UGT2A2: variants seen among roughly 807,000 people sequenced by gnomAD.
UGT2A2 encodes the protein UDP glucuronosyltransferase family 2 member A2.
UGT2A2 carries 60 observed loss-of-function variants against 50.7 expected under a neutral mutation model. The ratio of observed to expected loss-of-function variants is 1.18; its 90% confidence interval spans 0.96 to 1.47. The LOEUF is 1.47. UGT2A2 is among the 40% of genes most tolerant of loss of function. UGT2A2 has a pLI of 0.00. For missense variants in UGT2A2, 762 were observed against 634.0 expected, an observed-to-expected ratio of 1.20 and a Z score of -2.17; for synonymous variants, 242 against 214.6, an observed-to-expected ratio of 1.13 and a Z score of -1.11.
At chr4:69,605,110 G>A in intron 1 of UGT2A2, among the ~76,000 whole-genome samples, 1 of 136,878 alleles carries the variant, frequency 7.3e-6, no homozygotes, top group East Asian at 2.1e-4. Context: ...CAAATCAACA[G>A]AATATACATT....
chr4:69,611,024 T>A (rs1720003610), intron 1 of UGT2A2, among the ~76,000 whole-genome samples: 1 of 152,200 alleles, frequency 6.6e-6, no homozygotes, highest in Non-Finnish European at 1.5e-5. Flanking sequence ...AGATGAAAGC[T>A]GTGTACATAA....
intron 1 of UGT2A2, among the ~76,000 whole-genome samples, chr4:69,635,018 C>G (rs182029862): frequency 2.6e-5 from 4 of 151,954 alleles, no homozygotes; most frequent in Non-Finnish European, 4.4e-5. Flanking sequence ...ATGGATACCC[C>G]GTACTCCAGG....
intron 1 of UGT2A2, among the ~76,000 whole-genome samples, chr4:69,633,715 T>C (rs1017534853): frequency 3.9e-5 from 6 of 152,204 alleles, no homozygotes; most frequent in Admixed American, 1.3e-4. Context: ...TAATGTGTGA[T>C]TCAACTATAT....
chr4:69,590,742 TA>T (rs1245274826), intron 5 of UGT2A2, among the ~76,000 whole-genome samples: 1 of 152,098 alleles, frequency 6.6e-6, no homozygotes, highest in Non-Finnish European at 1.5e-5. Flanking sequence ...AGGCAATAAA[TA>T]AATTTGTACA....
chr4:69,620,992 A>C (rs538350333), intron 1 of UGT2A2, among the ~76,000 whole-genome samples: 1 of 152,188 alleles, frequency 6.6e-6, no homozygotes, highest in African/African-American at 2.4e-5. Flanking sequence ...ACCATATACA[A>C]ATATCAACTC....
rs200415565 is a variant in UGT2A2, at chr4:69,639,275, T to G, written c.366A>C (p.Lys122Asn). Residue 122 changes from lysine to asparagine, a missense_variant, in exon 1 of 6, where the codon AAA becomes AAC. Physicochemically the swap from Lys to Asn is moderately conservative, Grantham distance 94. Transcript: ENST00000604629. The stretch of plus-strand genomic sequence containing the variant: ...TAATTTGAAAGAAAGTGTCTAGAAG[T>G]TTTCCTAGTTCTTTGTAGAAAGCCC... ...TIWAFYKELG[K>N]LLDTFFQINI... 3.2e-4 allele frequency: 517 copies of G among 1,613,584 alleles called. No individual in the cohort carries two copies. Among genetic ancestry groups the G allele is most frequent in the Non-Finnish European group, 4.2e-4 (499 of 1,179,746 alleles).
At chr4:69,600,933 A>G (rs1250571874) in intron 1 of UGT2A2, among the ~76,000 whole-genome samples, 1 of 152,078 alleles carries the variant, frequency 6.6e-6, no homozygotes, top group Non-Finnish European at 1.5e-5. Flanking sequence ...ATCAGGCCCC[A>G]CTTCCAACAT....
At chr4:69,633,133 T>C (rs1721478449) in intron 1 of UGT2A2, among the ~76,000 whole-genome samples, 1 of 152,086 alleles carries the variant, frequency 6.6e-6, no homozygotes, top group South Asian at 2.1e-4. Flanking sequence ...AAGGTCTGGG[T>C]AGTGGCCTTG....
chr4:69,610,399 T>C (rs987289604), intron 1 of UGT2A2, among the ~76,000 whole-genome samples: 3 of 152,162 alleles, frequency 2.0e-5, no homozygotes, highest in South Asian at 2.1e-4. Context: ...TCTTGACTTG[T>C]AACTGTTAGG....
intron 2 of UGT2A2, 85 bp downstream of exon 2, chr4:69,599,161 A>G: frequency 6.8e-7 from 1 of 1,461,406 alleles, no homozygotes; most frequent in Non-Finnish European, 9.0e-7. Flanking sequence ...AGCAGCATTT[A>G]TTTGTTATTG....
chr4:69,599,429 T>A, intron 1 of UGT2A2, 35 bp from the exon 2 acceptor site: 4 of 1,606,072 alleles, frequency 2.5e-6, no homozygotes, highest in Non-Finnish European at 2.5e-6. Context: ...TGGAGGAAAT[T>A]AGCTTATATG....
At chr4:69,625,054 T>C (rs1720964632) in intron 1 of UGT2A2, among the ~76,000 whole-genome samples, 4 of 151,420 alleles carry the variant, frequency 2.6e-5, no homozygotes, top group Middle Eastern at 6.8e-3. Context: ...GTATTAAATT[T>C]GCTGGGAATA....
In UGT2A2 at chr4:69,594,458, T is replaced by C. The variant is rs184880860; in HGVS notation, c.1331+19A>G. On this transcript the variant is annotated intron_variant, in intron 5 of 5. Coordinates refer to ENST00000604629, the MANE Select transcript of UGT2A2 (RefSeq NM_001105677.2). ...ATGTAATTAAAGTTAGGCAAGTTTT[T>C]AGGAGCCTTAGTACTTACGAAGGTT... 448 of 1,608,762 alleles carry C rather than the reference T, an allele frequency of 2.8e-4. 2 individuals are homozygous for C. In the East Asian group the frequency reaches 6.4e-3, roughly 23 times the overall value.
At chr4:69,623,936 A>C (rs1052552895) in intron 1 of UGT2A2, among the ~76,000 whole-genome samples, 5 of 151,642 alleles carry the variant, frequency 3.3e-5, no homozygotes, top group Non-Finnish European at 5.9e-5. Flanking sequence ...GCCCAGGACA[A>C]GCACCTTAAA....
intron 1 of UGT2A2, among the ~76,000 whole-genome samples, chr4:69,609,447 T>G (rs1270044391): frequency 6.6e-6 from 1 of 152,158 alleles, no homozygotes; most frequent in Non-Finnish European, 1.5e-5. Flanking sequence ...TGATATACCT[T>G]GGCCTCCTAA....
At position 69,639,099 on chromosome 4, in the gene UGT2A2, C is replaced by G. The variant is rs759362531; in HGVS notation, c.542G>C (p.Arg181Thr). Reference protein sequence around the residue: ...KLGIPFMYTLRFSPASTVERH... With the variant: ...KLGIPFMYTLTFSPASTVERH... ...CTCCACTGTTGATGCTGGAGAGAAC[C>G]TCAATGTGTACATAAATGGAATTCC... Residue 181 changes from arginine (R) to threonine (T), a missense_variant, in exon 1 of 6, where the codon AGG becomes ACG. Arg to Thr is a moderately conservative substitution (Grantham distance 71). Coordinates refer to ENST00000604629, the MANE Select transcript of UGT2A2 (RefSeq NM_001105677.2). The G allele has an allele frequency of 4.3e-6, 7 of 1,613,376 alleles. No individual in the cohort carries two copies. Among genetic ancestry groups the G allele is most frequent in the Non-Finnish European group, 5.9e-6 (7 of 1,179,700 alleles).
chr4:69,592,395 G>T (rs1044071866), intron 5 of UGT2A2, among the ~76,000 whole-genome samples: 1 of 151,916 alleles, frequency 6.6e-6, no homozygotes, highest in Admixed American at 6.6e-5. Context: ...AAAAATAAAT[G>T]AGAAACTAAA....
intron 2 of UGT2A2, among the ~76,000 whole-genome samples, chr4:69,598,234 T>C (rs1377912519): frequency 2.0e-5 from 3 of 152,164 alleles, no homozygotes; most frequent in Non-Finnish European, 2.9e-5. Flanking sequence ...TAAATATGTC[T>C]GTTACTATAA....
At chr4:69,632,661 G>A (rs550273542) in intron 1 of UGT2A2, among the ~76,000 whole-genome samples, 17 of 151,932 alleles carry the variant, frequency 1.1e-4, no homozygotes, top group Non-Finnish European at 2.4e-4. Context: ...AGGCAGAGGC[G>A]GGCAGATCAC....
Sources: gnomAD v4.1 joint callset for allele counts (sites outside exome capture counted in the v4.1 genomes callset) on GRCh38, gnomAD v4.1.1 for gene constraint, MANE v1.5 for transcripts, NCBI Gene and HGNC (gene_info 2026-07-23, HGNC 2026-07-21) for gene names.